Variants in FAM20A observed in about 807,000 individuals in gnomAD.
The protein encoded by FAM20A is pseudokinase FAM20A.
FAM20A carries 42 observed loss-of-function variants against 52.0 expected under a neutral mutation model. The ratio of observed to expected loss-of-function variants is 0.81; its 90% CI spans 0.63 to 1.04. The LOEUF (loss-of-function observed/expected upper bound fraction) is 1.04. Among genes scored for constraint, FAM20A ranks in the 50% least tolerant of loss-of-function variants. The probability of loss-of-function intolerance (pLI) is 0.00; values close to 1 mark genes in which losing one functional copy is unlikely to be tolerated. For synonymous variants in FAM20A, 304 were observed against 298.9 expected (o/e 1.02, Z -0.18); for missense variants, 742 against 712.7 (o/e 1.04, Z -0.47).
intron 2 of FAM20A, 136 bp downstream of exon 2, chr17:68,555,423 C>G: frequency 1.0e-6 from 1 of 963,708 alleles, no homozygotes; most frequent in Non-Finnish European, 1.7e-6. Flanking sequence ...GGAAAAAGAT[C>G]AATGCATATG....
chr17:68,539,247 A>C, intron 10 of FAM20A, 90 bp downstream of exon 10: 2 of 1,321,176 alleles, frequency 1.5e-6, no homozygotes, highest in Non-Finnish European at 2.2e-6. Context: ...TGGACCAGTG[A>C]AAACTGGAAG....
intron 8 of FAM20A, chr17:68,540,571 T>G (rs1568719627): frequency 1.8e-6 from 1 of 544,468 alleles, no homozygotes; most frequent in Admixed American, 2.2e-5. Flanking sequence ...CTTGGTGAAG[T>G]GAACATACAG....
intron 1 of FAM20A, among the ~76,000 whole-genome samples, chr17:68,589,437 G>A: frequency 6.6e-6 from 1 of 152,210 alleles, no homozygotes; most frequent in Non-Finnish European, 1.5e-5. Flanking sequence ...TACAGCAAAA[G>A]CTAACAGTAC....
intron 4 of FAM20A, among the ~76,000 whole-genome samples, chr17:68,546,938 C>T (rs2086601060): frequency 6.6e-6 from 1 of 152,028 alleles, no homozygotes; most frequent in African/African-American, 2.4e-5. Flanking sequence ...CATTAGTCTC[C>T]TCGGACATCT....
intron 1 of FAM20A, among the ~76,000 whole-genome samples, chr17:68,570,667 G>A (rs771844892): frequency 2.0e-4 from 30 of 152,168 alleles, no homozygotes; most frequent in Non-Finnish European, 3.5e-4. Context: ...GAACCGAAAT[G>A]ATAATGAGAA....
chr17:68,585,703 A>C (rs1486760188), intron 1 of FAM20A, among the ~76,000 whole-genome samples: 2 of 152,172 alleles, frequency 1.3e-5, no homozygotes, highest in Admixed American at 6.5e-5. Flanking sequence ...GAGCCTCAGC[A>C]ATTTAAATTC....
Position 68,537,546 on chromosome 17 carries a change from C to G in FAM20A, c.1557G>C (p.Gln519His), listed in dbSNP as rs773992729. The change falls in exon 11 of 11, where the codon CAG becomes CAC. Residue 519 changes from glutamine (Q) to histidine (H), a missense_variant. Gln to His is a conservative substitution (Grantham distance 24, BLOSUM62 0). Coordinates refer to ENST00000592554, the MANE Select transcript of FAM20A (RefSeq NM_017565.4). The surrounding 1 kb of genome is among the most constrained non-coding windows in gnomAD (Gnocchi z 4.2). ...VEGCIVAHGQ[Q>H]SVIVDGPVEQ... ...CCACTGGGCCGTCGACTATGACACT[C>G]TGCTGTCCATGGGCCACTATGCACC... 1.9e-6 allele frequency: 3 copies of G among 1,613,614 alleles called. No homozygotes were observed. The highest frequency in any genetic ancestry group is 2.7e-5 in the African/African-American group (2 of 74,894).
chr17:68,556,580 G>A lies in FAM20A; in HGVS notation c.405-837C>T, dbSNP rs2907378. ...GGATCCTAAAGAACGGGGCAGGGAG[G>A]GGGGGTGGTTTGGCTTGAAGGGGAC... On this transcript the variant is annotated intron_variant, in intron 1 of 10. Transcript: ENST00000592554. 2.0e-4 allele frequency among the ~76,000 whole-genome samples: 31 copies of A among 152,030 alleles called. 1 individual carries two copies. The East Asian group carries it at 4.5e-3, about 22-fold the overall frequency.
At chr17:68,560,551 T>C (rs1038990548) in intron 1 of FAM20A, among the ~76,000 whole-genome samples, 2 of 152,198 alleles carry the variant, frequency 1.3e-5, no homozygotes, top group Non-Finnish European at 2.9e-5. Flanking sequence ...TACTTTGTTA[T>C]AGCAGTCTGA....
At chr17:68,560,672 G>C (rs904738812) in intron 1 of FAM20A, among the ~76,000 whole-genome samples, 7 of 152,214 alleles carry the variant, frequency 4.6e-5, no homozygotes. Context: ...GCATGTGTGA[G>C]AGTGTATCGG....
At chr17:68,560,217 C>T (rs951590156) in intron 1 of FAM20A, among the ~76,000 whole-genome samples, 15 of 152,218 alleles carry the variant, frequency 9.9e-5, no homozygotes, top group African/African-American at 3.6e-4. Flanking sequence ...TGGTGACATG[C>T]ACCTGCAGTC....
In FAM20A at chr17:68,537,029, A is replaced by AT; in HGVS notation, c.*447dup. 1 of 455,786 alleles carries AT rather than the reference A, an allele frequency of 2.2e-6. No individual in the cohort carries two copies. Among genetic ancestry groups the AT allele is most frequent in the South Asian group, 1.6e-5 (1 of 64,492 alleles). 28.2% of individuals were successfully genotyped at this position (455,786 alleles called of 1,614,324 possible). On this transcript the variant is annotated 3_prime_UTR_variant, in exon 11 of 11. Transcript: ENST00000592554. This position sits in a 1 kb window ranked among gnomAD's most constrained non-coding sequence, Gnocchi z 4.2. ...TTGCCTGCGCTGGCCCAAAGTGCAG[A>AT]TTTTTAGTCAGCTTGTGATAGGCCA...
intron 1 of FAM20A, among the ~76,000 whole-genome samples, chr17:68,570,250 A>AT (rs769699511): frequency 7.9e-5 from 12 of 151,792 alleles, no homozygotes; most frequent in Non-Finnish European, 1.5e-4. Flanking sequence ...TAATTTTTGT[A>AT]TTTTTAGTAG....
chr17:68,582,717 A>G (rs920613874), intron 1 of FAM20A: 10 of 151,654 alleles, frequency 6.6e-5, no homozygotes, highest in African/African-American at 2.4e-4. Context: ...AGACCAGGAA[A>G]CTGAGGCTTG....
chr17:68,574,644 C>T (rs1008759265), intron 1 of FAM20A, among the ~76,000 whole-genome samples: 4 of 152,156 alleles, frequency 2.6e-5, no homozygotes, highest in African/African-American at 2.4e-5. Flanking sequence ...TTATCCTTTA[C>T]AAAGGGGAAG....
chr17:68,585,811 A>G (rs2088151030), intron 1 of FAM20A, among the ~76,000 whole-genome samples: 1 of 152,226 alleles, frequency 6.6e-6, no homozygotes, highest in Non-Finnish European at 1.5e-5. Context: ...TGTGGGGCAC[A>G]GTGCTAGCAG....
At chr17:68,585,356 C>G (rs1476157326) in intron 1 of FAM20A, among the ~76,000 whole-genome samples, 2 of 152,064 alleles carry the variant, frequency 1.3e-5, no homozygotes, top group African/African-American at 4.8e-5. Context: ...CCTCTGCCTC[C>G]CACACTTCCG....
rs374335027 is a variant in FAM20A, at chr17:68,568,327, G to A, written c.405-12584C>T. ...TACTAAAAATACAAAAATTAGCTAGGCGTGGTGGTGGGCGCCTGTAGTCCC... is the reference window on the plus strand; with the variant it reads ...TACTAAAAATACAAAAATTAGCTAGACGTGGTGGTGGGCGCCTGTAGTCCC... On this transcript the variant is annotated intron_variant, in intron 1 of 10. Coordinates refer to ENST00000592554, the MANE Select transcript of FAM20A (RefSeq NM_017565.4). Among the ~76,000 whole-genome samples the A allele has an allele frequency of 1.4e-3, 210 of 151,844 alleles. 4 individuals carry two copies. Among genetic ancestry groups the A allele is most frequent in the African/African-American group, 4.9e-3 (200 of 41,176 alleles).
chr17:68,550,999 T>G, intron 4 of FAM20A: 1 of 1,108,554 alleles, frequency 9.0e-7, no homozygotes, highest in Non-Finnish European at 1.1e-6. Context: ...CCAGTCTAAT[T>G]GTATTCCACT....
Sources: gnomAD v4.1 joint callset for allele counts (sites outside exome capture counted in the v4.1 genomes callset) on GRCh38, gnomAD v4.1.1 for gene constraint, Gnocchi (gnomAD v3.1) non-coding constraint, MANE v1.5 for transcripts, NCBI Gene and HGNC (gene_info 2026-07-23, HGNC 2026-07-21) for gene names.